BBS9: variants seen among roughly 807,000 people sequenced by gnomAD.
The protein encoded by BBS9 is protein PTHB1.
In BBS9, 89 loss-of-function variants were observed where a neutral mutation model predicts 117.7. That is an observed-to-expected ratio of 0.76 (90% CI 0.64 to 0.90). The LOEUF is 0.90. BBS9 is among the 40% of genes least tolerant of loss of function. BBS9 has a pLI of 0.00. For missense variants in BBS9, 982 were observed against 1,042.2 expected (o/e 0.94, Z 0.80); for synonymous variants, 379 against 370.9 (o/e 1.02, Z -0.25).
At chr7:33,479,767 C>A (rs1842280004) in intron 19 of BBS9, among the ~76,000 whole-genome samples, 1 of 152,106 alleles carries the variant, frequency 6.6e-6, no homozygotes, top group African/African-American at 2.4e-5. Context: ...AAATACTAGC[C>A]ATTCTGACTG....
intron 17 of BBS9, among the ~76,000 whole-genome samples, chr7:33,369,238 C>G (rs1404485190): frequency 6.6e-6 from 1 of 152,188 alleles, no homozygotes; most frequent in South Asian, 2.1e-4. Context: ...GCCAACATTT[C>G]TTTGGGAAAT....
intron 9 of BBS9, among the ~76,000 whole-genome samples, chr7:33,330,309 C>G (rs1198683641): frequency 1.3e-5 from 2 of 152,144 alleles, no homozygotes; most frequent in Admixed American, 6.5e-5. Context: ...GCCACCGCGC[C>G]TGGTCTATAA....
At chr7:33,618,256 G>A (rs949929224) in intron 21 of BBS9, among the ~76,000 whole-genome samples, 16 of 151,804 alleles carry the variant, frequency 1.1e-4, no homozygotes, top group African/African-American at 3.9e-4. Flanking sequence ...GAGATGGGAG[G>A]ATCACTTGAG....
At chr7:33,207,556 C>T (rs1311173591) in intron 5 of BBS9, among the ~76,000 whole-genome samples, 2 of 147,398 alleles carry the variant, frequency 1.4e-5, no homozygotes, top group Non-Finnish European at 3.0e-5. Flanking sequence ...TTTTTGTTAG[C>T]ATTTCTTTAC....
intron 21 of BBS9, among the ~76,000 whole-genome samples, chr7:33,558,459 C>T (rs758335418): frequency 1.3e-5 from 2 of 152,028 alleles, no homozygotes; most frequent in African/African-American, 2.4e-5. Context: ...GGGAACAGGG[C>T]AGGCAAAGGA....
rs184443260 is a variant in BBS9 at position 33,190,151 on chromosome 7, G to C, written c.442+12560G>C. Among the ~76,000 whole-genome samples, 168 of 125,636 alleles carry C rather than the reference G, an allele frequency of 1.3e-3. 1 individual carries two copies. The highest frequency in any genetic ancestry group is 4.9e-3 in the African/African-American group (159 of 32,322). The allele number at this position is 125,636 out of a possible 152,430, so 82.4% of individuals were successfully genotyped here. On this transcript the variant is annotated intron_variant, in intron 5 of 22. Coordinates refer to ENST00000242067, the MANE Select transcript of BBS9 (RefSeq NM_198428.3). ...TTTTTTTTTTTTGAGACTGAGTCTC[G>C]CTCTGTCGCCCAGGCTGGAGTGCAG...
chr7:33,404,155 G>A (rs1303476125), intron 19 of BBS9, among the ~76,000 whole-genome samples: 1 of 152,098 alleles, frequency 6.6e-6, no homozygotes, highest in Non-Finnish European at 1.5e-5. Context: ...GATGGTTGTA[G>A]ATATGCGGCG....
chr7:33,326,461 GC>G (rs1404507269), intron 9 of BBS9, among the ~76,000 whole-genome samples: 2 of 152,068 alleles, frequency 1.3e-5, no homozygotes, highest in Non-Finnish European at 2.9e-5. Flanking sequence ...TGAAGAGCTT[GC>G]TTGGTGCTCT....
chr7:33,558,484 G>A (rs1855623305), intron 21 of BBS9, among the ~76,000 whole-genome samples: 1 of 152,292 alleles, frequency 6.6e-6, no homozygotes, highest in Admixed American at 6.5e-5. Context: ...AAGGAGGTAC[G>A]AAAGGAGGCC....
chr7:33,389,283 A>G (rs571361721), intron 19 of BBS9, among the ~76,000 whole-genome samples: 2 of 152,090 alleles, frequency 1.3e-5, no homozygotes, highest in African/African-American at 2.4e-5. Flanking sequence ...GCCCCACTCC[A>G]TTCTGTTGAT....
chr7:33,420,227 A>G (rs1245947746), intron 19 of BBS9, among the ~76,000 whole-genome samples: 1 of 152,074 alleles, frequency 6.6e-6, no homozygotes, highest in East Asian at 1.9e-4. Flanking sequence ...CCTCATTTTT[A>G]TCTTCTGTAA....
At chr7:33,470,368 T>TA (rs1318213970) in intron 19 of BBS9, among the ~76,000 whole-genome samples, 1 of 152,072 alleles carries the variant, frequency 6.6e-6, no homozygotes, top group Admixed American at 6.5e-5. Flanking sequence ...TTTTATTTTT[T>TA]AAAAAAATCA....
chr7:33,441,762 C>A lies in BBS9; in HGVS notation c.2115+53618C>A, dbSNP rs141110998. ...TTGATTTGATTTCTTTCCTAAGAAT[C>A]CATTATGAGGACTTGGACTCTTGTG... On this transcript the variant is annotated intron_variant, in intron 19 of 22. Coordinates refer to ENST00000242067, the MANE Select transcript of BBS9 (RefSeq NM_198428.3). Among the ~76,000 whole-genome samples, 727 of 152,202 alleles carry A rather than the reference C, an allele frequency of 4.8e-3. 6 individuals are homozygous for A. Among genetic ancestry groups the A allele is most frequent in the African/African-American group, 0.017 (701 of 41,546 alleles).
Position 33,584,152 on chromosome 7 carries a change from A to G in BBS9, c.2522-20713A>G, listed in dbSNP as rs191761437. Among the ~76,000 whole-genome samples the G allele has an allele frequency of 2.4e-4, 36 of 152,140 alleles. 1 individual carries two copies. The highest frequency in any genetic ancestry group is 6.7e-4 in the African/African-American group (28 of 41,568). On this transcript the variant is annotated intron_variant, in intron 21 of 22. Transcript: ENST00000242067. ...TTGTTAATGCAGAGAGAAATGATCA[A>G]TATTTTTATACTTATATTTTACATG...
At chr7:33,285,938 G>A (rs915475010) in intron 9 of BBS9, among the ~76,000 whole-genome samples, 5 of 151,788 alleles carry the variant, frequency 3.3e-5, no homozygotes, top group Non-Finnish European at 7.4e-5. Context: ...GTAAAACACA[G>A]CATCCTCCAT....
intron 9 of BBS9, among the ~76,000 whole-genome samples, chr7:33,279,034 C>G (rs139378464): frequency 1.4e-3 from 215 of 152,206 alleles, no homozygotes; most frequent in African/African-American, 5.1e-3. Flanking sequence ...TTAGCTATAG[C>G]TTATCTGTTT....
chr7:33,220,582 T>TCC (rs1473260249), intron 5 of BBS9, among the ~76,000 whole-genome samples: 1 of 152,260 alleles, frequency 6.6e-6, no homozygotes, highest in African/African-American at 2.4e-5. Flanking sequence ...TTGAGCACGC[T>TCC]TATGTTTATG....
intron 5 of BBS9, among the ~76,000 whole-genome samples, chr7:33,182,537 A>G (rs1798238936): frequency 6.6e-6 from 1 of 152,238 alleles, no homozygotes; most frequent in East Asian, 1.9e-4. Context: ...GACCTGCCTA[A>G]TTTAGACCAA....
intron 5 of BBS9, among the ~76,000 whole-genome samples, chr7:33,205,011 A>G (rs1409243807): frequency 1.3e-5 from 2 of 152,290 alleles, no homozygotes; most frequent in Non-Finnish European, 2.9e-5. Context: ...CATCGATTTT[A>G]TCAGATAGGA....
Sources: allele counts gnomAD v4.1 joint callset (sites outside exome capture counted in the v4.1 genomes callset), GRCh38; gene constraint gnomAD v4.1.1; transcripts MANE v1.5; gene names NCBI Gene and HGNC (gene_info 2026-07-23, HGNC 2026-07-21).